CHST9: variants seen among roughly 807,000 people sequenced by gnomAD.
CHST9 encodes carbohydrate sulfotransferase 9.
CHST9 carries 41 observed loss-of-function variants against 44.4 expected under a neutral mutation model. That is an observed-to-expected ratio of 0.92 (90% CI 0.72 to 1.20). The LOEUF is 1.20. Ranked by LOEUF, CHST9 falls within the 50% of genes most tolerant of loss-of-function variation. The pLI, the probability that CHST9 is intolerant of heterozygous loss-of-function variation, is 0.00. For missense variants in CHST9, 504 were observed against 516.5 expected (o/e 0.98, Z 0.23); for synonymous variants, 171 against 178.4 (o/e 0.96, Z 0.33).
At chr18:27,047,388 T>TTGTGTGTGTGTGTGTG (rs55698484) in intron 3 of CHST9, among the ~76,000 whole-genome samples, 4,491 of 145,560 alleles carry the variant, frequency 0.031, 99 homozygotes, top group Middle Eastern at 0.052. Flanking sequence ...GCCTTCATAA[T>TTGTGTGTGTGTGTGTG]TGTGTGTGTG....
intron 2 of CHST9, among the ~76,000 whole-genome samples, chr18:27,114,689 T>TA (rs1478604998): frequency 6.6e-6 from 1 of 152,220 alleles, no homozygotes; most frequent in African/African-American, 2.4e-5. Flanking sequence ...CATTAATATA[T>TA]ATGAAATTAT....
intron 2 of CHST9, among the ~76,000 whole-genome samples, chr18:27,097,358 T>A (rs2058127228): frequency 6.6e-6 from 1 of 152,004 alleles, no homozygotes; most frequent in Non-Finnish European, 1.5e-5. Context: ...CCATTCTCAC[T>A]ATGCCTATTC....
chr18:27,066,929 T>A (rs2057787589), intron 2 of CHST9, among the ~76,000 whole-genome samples: 1 of 152,152 alleles, frequency 6.6e-6, no homozygotes, highest in Non-Finnish European at 1.5e-5. Flanking sequence ...AGTGATTATT[T>A]TTAATAAGGC....
intron 4 of CHST9, among the ~76,000 whole-genome samples, chr18:26,964,625 G>A (rs2056442060): frequency 6.6e-6 from 1 of 152,302 alleles, no homozygotes; most frequent in African/African-American, 2.4e-5. Context: ...TCAGGGCCTG[G>A]GCCAGCCCAA....
At chr18:27,046,959 C>T (rs1308222654) in intron 3 of CHST9, among the ~76,000 whole-genome samples, 2 of 152,066 alleles carry the variant, frequency 1.3e-5, no homozygotes, top group Non-Finnish European at 2.9e-5. Flanking sequence ...ATGCTGTTGC[C>T]TTAAAGATTT....
At chr18:27,048,241 A>C (rs926653343) in intron 3 of CHST9, among the ~76,000 whole-genome samples, 1 of 152,156 alleles carries the variant, frequency 6.6e-6, no homozygotes, top group Non-Finnish European at 1.5e-5. Context: ...CAACATTCCC[A>C]TCTCATTTTC....
In CHST9 at chr18:26,909,324, C is replaced by A. The variant is rs189748819; in HGVS notation, c.*6935G>T. On this transcript the variant is annotated 3_prime_UTR_variant, in exon 6 of 6. Coordinates refer to ENST00000618847, the MANE Select transcript of CHST9 (RefSeq NM_031422.6). ...AGGACTTAAAAAATTCACACACACA[C>A]GAGAAGTACCCCAAGAGATTATTAA... 1 of 152,094 alleles carries A rather than the reference C, an allele frequency of 6.6e-6. No individual in the cohort carries two copies. Among genetic ancestry groups the A allele is most frequent in the Non-Finnish European group, 1.5e-5 (1 of 68,024 alleles). The allele number at this position is 152,094 out of a possible 1,614,324, so 9.4% of individuals were successfully genotyped here.
chr18:26,964,496 G>A (rs1462366415), intron 4 of CHST9, among the ~76,000 whole-genome samples: 1 of 152,144 alleles, frequency 6.6e-6, no homozygotes. Context: ...TCAGATCTAG[G>A]CCCAGCTTAC....
chr18:26,927,892 G>C (rs1223924288), intron 5 of CHST9, among the ~76,000 whole-genome samples: 1 of 152,174 alleles, frequency 6.6e-6, no homozygotes, highest in Non-Finnish European at 1.5e-5. Flanking sequence ...ATCACATGGG[G>C]AGAAACCTCG....
chr18:27,119,307 A>G (rs1057456285), intron 2 of CHST9, among the ~76,000 whole-genome samples: 1 of 152,188 alleles, frequency 6.6e-6, no homozygotes, highest in African/African-American at 2.4e-5. Context: ...ACTCAGCCAC[A>G]TTATAGAAAA....
chr18:27,001,783 G>T (rs1158580449), intron 4 of CHST9, among the ~76,000 whole-genome samples: 1 of 152,088 alleles, frequency 6.6e-6, no homozygotes, highest in East Asian at 1.9e-4. Context: ...ACAGAAGTTT[G>T]GACTGGGTAA....
At chr18:26,960,033 G>A (rs1000672034) in intron 4 of CHST9, among the ~76,000 whole-genome samples, 5 of 152,166 alleles carry the variant, frequency 3.3e-5, no homozygotes, top group African/African-American at 1.2e-4. Flanking sequence ...TAATGCAAAG[G>A]TAAAAATAAG....
chr18:26,928,357 G>T (rs1038105592), intron 5 of CHST9: 6 of 152,290 alleles, frequency 3.9e-5, no homozygotes, highest in African/African-American at 1.4e-4. Flanking sequence ...GCTCCCCTGA[G>T]ATGGAGACTG....
At chr18:26,958,114 G>A (rs2056351311) in intron 4 of CHST9, among the ~76,000 whole-genome samples, 1 of 151,052 alleles carries the variant, frequency 6.6e-6, no homozygotes, top group South Asian at 2.1e-4. Context: ...TTGAACTCCC[G>A]ACCTCAGGTG....
chr18:27,060,775 C>A (rs934656322), intron 2 of CHST9, among the ~76,000 whole-genome samples: 1 of 152,156 alleles, frequency 6.6e-6, no homozygotes, highest in Admixed American at 6.5e-5. Context: ...GGTCATTTGA[C>A]ATTTCTGGCT....
intron 2 of CHST9, among the ~76,000 whole-genome samples, chr18:27,118,879 T>C (rs2058351163): frequency 1.3e-5 from 2 of 152,244 alleles, no homozygotes; most frequent in South Asian, 4.1e-4. Context: ...AATCTCTGCC[T>C]AAATAATTAT....
chr18:27,019,898 C>T (rs2057203168), intron 4 of CHST9, among the ~76,000 whole-genome samples: 3 of 152,044 alleles, frequency 2.0e-5, no homozygotes, highest in Admixed American at 1.3e-4. Context: ...ACACAAAGAA[C>T]CCAGAAATGG....
intron 3 of CHST9, among the ~76,000 whole-genome samples, chr18:27,035,809 G>A (rs1306957732): frequency 6.6e-6 from 1 of 152,038 alleles, no homozygotes; most frequent in Non-Finnish European, 1.5e-5. Flanking sequence ...TGTAGAGCAT[G>A]GTGACTATAG....
chr18:27,094,763 A>G (rs1305249568), intron 2 of CHST9, among the ~76,000 whole-genome samples: 5 of 152,146 alleles, frequency 3.3e-5, no homozygotes, highest in Non-Finnish European at 7.4e-5. Context: ...TACAACCCCA[A>G]ATGTATAATT....
Sources: gnomAD v4.1 joint callset for allele counts (sites outside exome capture counted in the v4.1 genomes callset) on GRCh38, gnomAD v4.1.1 for gene constraint, MANE v1.5 for transcripts, NCBI Gene and HGNC (gene_info 2026-07-23, HGNC 2026-07-21) for gene names.